TTC28: variants seen among roughly 807,000 people sequenced by gnomAD.
TTC28 encodes the protein tetratricopeptide repeat domain 28.
A neutral mutation model predicts 198.0 loss-of-function variants in TTC28; 61 were observed. The observed-to-expected ratio is 0.31, with a 90% CI of 0.25 to 0.38. The LOEUF (loss-of-function observed/expected upper bound fraction) is 0.38, where lower values mean the gene tolerates loss of function less well. TTC28 is among the 10% of genes least tolerant of loss of function. The pLI is 1.00. For missense variants in TTC28, 2,678 were observed against 3,164.0 expected (o/e 0.85, Z 3.69); for synonymous variants, 1,171 against 1,297.8 (o/e 0.90, Z 2.10).
intron 22 of TTC28, among the ~76,000 whole-genome samples, chr22:27,984,717 T>C (rs1301008961): frequency 6.6e-6 from 1 of 152,246 alleles, no homozygotes; most frequent in African/African-American, 2.4e-5. Context: ...AATCCCATTT[T>C]GGCAGTTCTT....
At chr22:28,112,208 C>A (rs911858282) in intron 6 of TTC28, among the ~76,000 whole-genome samples, 2 of 152,084 alleles carry the variant, frequency 1.3e-5, no homozygotes, top group Non-Finnish European at 2.9e-5. Context: ...ACTTTGTAAA[C>A]TAAAACATGG....
At chr22:28,101,113 T>C (rs1942135357) in intron 9 of TTC28, 58 bp downstream of exon 9, 1 of 1,328,382 alleles carries the variant, frequency 7.5e-7, no homozygotes, top group Non-Finnish European at 1.0e-6. Flanking sequence ...ACAGTAATCC[T>C]AAAGTCTCCC....
intron 2 of TTC28, among the ~76,000 whole-genome samples, chr22:28,387,832 GA>G (rs1254335254): frequency 6.6e-6 from 1 of 152,094 alleles, no homozygotes; most frequent in African/African-American, 2.4e-5. Flanking sequence ...TTGCTGTGCA[GA>G]AGCTCTTTAG....
At chr22:28,197,979 A>C (rs2147145270) in intron 5 of TTC28, among the ~76,000 whole-genome samples, 1 of 152,196 alleles carries the variant, frequency 6.6e-6, no homozygotes, top group East Asian at 2.0e-4. Flanking sequence ...AGCAAAGTGC[A>C]AAAAAGATTT....
At chr22:28,484,559 C>T (rs1306965932) in intron 2 of TTC28, among the ~76,000 whole-genome samples, 3 of 152,156 alleles carry the variant, frequency 2.0e-5, no homozygotes, top group African/African-American at 4.8e-5. Flanking sequence ...ACAACCTCAA[C>T]AAAACATCCT....
intron 5 of TTC28, among the ~76,000 whole-genome samples, chr22:28,194,247 A>G (rs1426021536): frequency 6.6e-6 from 1 of 152,206 alleles, no homozygotes; most frequent in Non-Finnish European, 1.5e-5. Flanking sequence ...GAACAAAGAC[A>G]CTACATGCCA....
At chr22:28,058,604 G>T (rs1220871487) in intron 12 of TTC28, among the ~76,000 whole-genome samples, 1 of 152,002 alleles carries the variant, frequency 6.6e-6, no homozygotes, top group Non-Finnish European at 1.5e-5. Context: ...TCATTGTTAG[G>T]TTTTGGTATT....
intron 2 of TTC28, among the ~76,000 whole-genome samples, chr22:28,419,865 TA>T (rs1450220376): frequency 2.0e-5 from 3 of 152,328 alleles, no homozygotes; most frequent in African/African-American, 7.2e-5. Flanking sequence ...AAAATGAGAC[TA>T]AGACTCACTG....
rs373482934 is a variant in TTC28, at chr22:28,607,424, A to G, written c.381+22128T>C. On this transcript the variant is annotated intron_variant, in intron 2 of 22. Transcript: ENST00000397906. The stretch of plus-strand genomic sequence containing the variant: ...TTTAAAGAAAGCATCACTTTTTTAC[A>G]TATGAAAAAATTCCCTCTCCTGATT... 1.1e-4 allele frequency among the ~76,000 whole-genome samples: 17 copies of G among 152,346 alleles called. No individual in the cohort carries two copies. The East Asian group carries it at 2.3e-3, about 21-fold the overall frequency.
intron 8 of TTC28, among the ~76,000 whole-genome samples, chr22:28,102,572 T>C (rs1479769272): frequency 2.0e-5 from 3 of 152,192 alleles, no homozygotes; most frequent in Admixed American, 1.3e-4. Context: ...AGCTAGCTTG[T>C]GCAGAGACAG....
At chr22:28,310,804 CAG>C (rs2045242974) in intron 2 of TTC28, among the ~76,000 whole-genome samples, 1 of 146,366 alleles carries the variant, frequency 6.8e-6, no homozygotes, top group African/African-American at 2.5e-5. Context: ...TTTTTTGAGA[CAG>C]AGTCTTGCTG....
At chr22:28,371,637 C>T (rs2046338900) in intron 2 of TTC28, among the ~76,000 whole-genome samples, 1 of 61,750 alleles carries the variant, frequency 1.6e-5, no homozygotes, top group South Asian at 7.9e-4. Context: ...CTCTGTCACC[C>T]AGGCCACTGA....
chr22:28,553,220 A>G (rs1485906784), intron 2 of TTC28, among the ~76,000 whole-genome samples: 2 of 147,704 alleles, frequency 1.4e-5, no homozygotes, highest in African/African-American at 5.0e-5. Flanking sequence ...CCGTCTGGGA[A>G]GTGAGGAGCG....
chr22:28,622,252 G>A (rs530537568), intron 2 of TTC28, among the ~76,000 whole-genome samples: 1 of 152,092 alleles, frequency 6.6e-6, no homozygotes, highest in Admixed American at 6.5e-5. Flanking sequence ...AGGGGGAAGG[G>A]GATTCCAGAA....
intron 2 of TTC28, among the ~76,000 whole-genome samples, chr22:28,351,472 T>C (rs980120877): frequency 6.6e-6 from 1 of 152,196 alleles, no homozygotes; most frequent in African/African-American, 2.4e-5. Flanking sequence ...GAAAAGCCTT[T>C]GTGAATAATT....
At chr22:28,355,817 A>T (rs748413775) in intron 2 of TTC28, among the ~76,000 whole-genome samples, 5 of 152,218 alleles carry the variant, frequency 3.3e-5, no homozygotes, top group Non-Finnish European at 7.3e-5. Context: ...AGGGCAGAAG[A>T]TCACCCTGCT....
rs1333248624 is a variant in TTC28 at position 28,569,772 on chromosome 22, C to A, written c.381+59780G>T. On this transcript the variant is annotated intron_variant, in intron 2 of 22. Coordinates refer to ENST00000397906, the MANE Select transcript of TTC28 (RefSeq NM_001145418.2). ...AGAAACTATCAATAGAGTAAACACA[C>A]AACCTACAGAATGGGAGAAAATGTT... Among the ~76,000 whole-genome samples the A allele has an allele frequency of 2.0e-5, 3 of 152,284 alleles. No homozygotes were observed. In the South Asian group the frequency reaches 6.2e-4, roughly 32 times the overall value.
At chr22:28,434,722 A>C (rs1180427163) in intron 2 of TTC28, among the ~76,000 whole-genome samples, 3 of 152,156 alleles carry the variant, frequency 2.0e-5, no homozygotes, top group Non-Finnish European at 4.4e-5. Context: ...CCTGGATTTC[A>C]TCCTTCCCTA....
intron 2 of TTC28, among the ~76,000 whole-genome samples, chr22:28,376,310 A>G (rs1202463812): frequency 1.3e-5 from 2 of 152,210 alleles, no homozygotes; most frequent in African/African-American, 4.8e-5. Context: ...TTGAGCAACT[A>G]ACATTTACTG....
Sources: gnomAD v4.1 joint callset for allele counts (sites outside exome capture counted in the v4.1 genomes callset) on GRCh38, gnomAD v4.1.1 for gene constraint, MANE v1.5 for transcripts, NCBI Gene and HGNC (gene_info 2026-07-23, HGNC 2026-07-21) for gene names.